Variants in POGZ observed in about 807,000 individuals in gnomAD.
POGZ encodes pogo transposable element derived with ZNF domain, also known as pogo transposable element with ZNF domain.
POGZ carries 17 observed loss-of-function variants against 134.6 expected under a neutral mutation model. That is an observed-to-expected ratio of 0.13 (90% CI 0.09 to 0.19). POGZ has a LOEUF of 0.19. Among genes scored for constraint, POGZ ranks in the 10% least tolerant of loss-of-function variants. POGZ has a pLI of 1.00. For missense variants in POGZ, 1,306 were observed against 1,769.7 expected, an observed-to-expected ratio of 0.74 and a Z score of 4.70; for synonymous variants, 693 against 657.1, an observed-to-expected ratio of 1.05 and a Z score of -0.84.
In POGZ at chr1:151,432,369, C is replaced by T. The variant is rs528622710; in HGVS notation, c.284-1528G>A. ...AGGTATGTAGGTGGCTACTAATGGG[C>T]CAGCAGTGGCTTATCTTATACTCTC... On this transcript the variant is annotated intron_variant, in intron 3 of 18. Coordinates refer to ENST00000271715, the MANE Select transcript of POGZ (RefSeq NM_015100.4). 3.9e-5 allele frequency among the ~76,000 whole-genome samples: 6 copies of T among 152,216 alleles called. No homozygotes were observed. The South Asian group carries it at 1.0e-3, about 26-fold the overall frequency.
chr1:151,425,532 G>A (rs1237652499), intron 7 of POGZ, among the ~76,000 whole-genome samples: 9 of 151,892 alleles, frequency 5.9e-5, no homozygotes, highest in East Asian at 5.8e-4. Context: ...CCTCCACCCC[G>A]GCAACCACAA....
intron 12 of POGZ, among the ~76,000 whole-genome samples, chr1:151,410,565 A>G (rs1038668617): frequency 1.3e-5 from 2 of 152,184 alleles, no homozygotes; most frequent in African/African-American, 4.8e-5. Flanking sequence ...GACTTCAAAT[A>G]TCCTAAGCCT....
chr1:151,417,721 CACACACACAA>C lies in POGZ; in HGVS notation c.1679-5335_1679-5326del, dbSNP rs1420238927. On this transcript the variant is annotated intron_variant, in intron 10 of 18. Transcript: ENST00000271715. Reference sequence around the variant, plus strand: ...ACACACACACACACACACACACACACACACACACAAAAGGCCTTATTTTTTAGAGCTACAT... The same window carrying C: ...ACACACACACACACACACACACACACAAGGCCTTATTTTTTAGAGCTACAT... 1.2e-3 allele frequency among the ~76,000 whole-genome samples: 169 copies of C among 138,348 alleles called. 1 individual carries two copies. Among genetic ancestry groups the C allele is most frequent in the African/African-American group, 5.0e-3 (163 of 32,544 alleles). The allele number at this position is 138,348 out of a possible 152,430, so 90.8% of individuals were successfully genotyped here.
In POGZ at chr1:151,424,971, A is replaced by G; in HGVS notation, c.1169T>C (p.Leu390Ser). Residue 390 changes from leucine (L) to serine (S), a missense_variant, in exon 8 of 19, where the codon TTG becomes TCG. Around this residue, in one of 10 missense-constraint regions of POGZ, gnomAD observed 541 missense variants for 680.5 expected, o/e 0.80. Transcript: ENST00000271715. ...ATCACTTACACACATGTGACCTCTC[A>G]AAGCTTCAGTAACACGAAATTGAGC... ...CNAQFRVTEA[L>S]RGHMCYCCPE... 6.3e-7 allele frequency: 1 copy of G among 1,586,034 alleles called. No individual in the cohort carries two copies. Among genetic ancestry groups the G allele is most frequent in the Non-Finnish European group, 8.6e-7 (1 of 1,159,112 alleles).
At position 151,404,074 on chromosome 1, in the gene POGZ, A is replaced by C; in HGVS notation, c.*728T>G. ...TTGGAGGGAAGGTGGTGAGGAAAAGACAAATCTATTCATTCTGGATAATTA... is the reference window on the plus strand; with the variant it reads ...TTGGAGGGAAGGTGGTGAGGAAAAGCCAAATCTATTCATTCTGGATAATTA... On this transcript the variant is annotated 3_prime_UTR_variant, in exon 19 of 19. Transcript: ENST00000271715. 2.0e-6 allele frequency: 2 copies of C among 985,554 alleles called. No homozygotes were observed. Among genetic ancestry groups the C allele is most frequent in the Non-Finnish European group, 2.4e-6 (2 of 829,934 alleles). The allele number at this position is 985,554 out of a possible 1,614,324, so 61.1% of individuals were successfully genotyped here.
At chr1:151,406,665 C>T in intron 17 of POGZ, 34 bp from the exon 18 acceptor site, 1 of 1,591,890 alleles carries the variant, frequency 6.3e-7, no homozygotes, top group African/African-American at 1.4e-5. Context: ...ATAGTTAGCT[C>T]AGTGAAAAAA....
chr1:151,440,843 TAA>T (rs1660413823), intron 3 of POGZ, 83 bp downstream of exon 3: 1 of 1,134,944 alleles, frequency 8.8e-7, no homozygotes, highest in East Asian at 2.4e-5. Flanking sequence ...TGTACCTAAC[TAA>T]ACAGGTAGGG....
At position 151,432,761 on chromosome 1, in the gene POGZ, T is replaced by C. The variant is rs942687050; in HGVS notation, c.284-1920A>G. 3.3e-5 allele frequency among the ~76,000 whole-genome samples: 5 copies of C among 152,306 alleles called. No homozygotes were observed. In the South Asian group the frequency reaches 1.0e-3, roughly 32 times the overall value. ...TATAAGTATTTCAAAATATACCTTCTACATAAGAACTTCAAAAAAAGATAA... is the reference window on the plus strand; with the variant it reads ...TATAAGTATTTCAAAATATACCTTCCACATAAGAACTTCAAAAAAAGATAA... On this transcript the variant is annotated intron_variant, in intron 3 of 18. Coordinates refer to ENST00000271715, the MANE Select transcript of POGZ (RefSeq NM_015100.4).
At chr1:151,413,610 C>T (rs1269004013) in intron 10 of POGZ, among the ~76,000 whole-genome samples, 1 of 151,856 alleles carries the variant, frequency 6.6e-6, no homozygotes, top group Admixed American at 6.6e-5. Context: ...GCCCCCAGCC[C>T]CCTACACCCC....
Position 151,408,240 on chromosome 1 carries a change from C to A in POGZ, c.2235G>T (p.Met745Ile), listed in dbSNP as rs1195527016. 2 of 1,598,894 alleles carry A rather than the reference C, an allele frequency of 1.3e-6. No homozygotes were observed. The highest frequency in any genetic ancestry group is 1.1e-5 in the South Asian group (1 of 89,060). ...RSIQKRAVRK[M>I]SVMGRQTCLE... is the part of the protein sequence containing the mutation. ...GGCATGTCTGCCGGCCCATGACACTCCTGTGGGGGAAAAAAAAAAAGAATT... is the reference window on the plus strand; with the variant it reads ...GGCATGTCTGCCGGCCCATGACACTACTGTGGGGGAAAAAAAAAAAGAATT... The change falls in exon 15 of 19, where the codon ATG becomes ATT. Residue 745 changes from methionine to isoleucine, a missense_variant and splice_region_variant. This residue lies in a region of POGZ where 149 missense variants were observed against 237.5 expected (regional missense o/e 0.63). Coordinates refer to ENST00000271715, the MANE Select transcript of POGZ (RefSeq NM_015100.4).
intron 11 of POGZ, 45 bp downstream of exon 11, chr1:151,412,251 C>T (rs1654810122): frequency 2.0e-6 from 2 of 1,024,048 alleles, no homozygotes; most frequent in East Asian, 2.4e-5. Context: ...TTGTATTCTT[C>T]CTGAGGGCAA....
chr1:151,439,888 C>G (rs1660244739), intron 3 of POGZ, among the ~76,000 whole-genome samples: 1 of 152,090 alleles, frequency 6.6e-6, no homozygotes, highest in Non-Finnish European at 1.5e-5. Flanking sequence ...TTCACTGAAG[C>G]TCTTAAAAAT....
In POGZ at chr1:151,405,108, T is replaced by C. The variant is rs1364052857; in HGVS notation, c.3927A>G (p.Leu1309=). The stretch of plus-strand genomic sequence containing the variant: ...GCTCTGGACAGTCCCCAATGACACC[T>C]AGCACTTCACCCAGCCAGACAAGCA... ...QLVLVWLGEV[L]GVIGDCPELV... is the part of the protein sequence containing the mutation. Residue 1309 remains leucine, a synonymous_variant, in exon 19 of 19, where the codon CTA becomes CTG. Transcript: ENST00000271715. This position sits in a 1 kb window ranked among gnomAD's most constrained non-coding sequence, Gnocchi z 4.9. 1.9e-6 allele frequency: 3 copies of C among 1,614,072 alleles called. No homozygotes were observed. The highest frequency in any genetic ancestry group is 1.3e-5 in the African/African-American group (1 of 74,930).
chr1:151,446,479 G>C (rs1661289274), intron 1 of POGZ, among the ~76,000 whole-genome samples: 1 of 152,120 alleles, frequency 6.6e-6, no homozygotes, highest in African/African-American at 2.4e-5. Context: ...AAAACGGCCG[G>C]GCGCGGTTGC....
intron 3 of POGZ, among the ~76,000 whole-genome samples, chr1:151,436,860 C>T (rs1481537243): frequency 6.6e-6 from 1 of 152,134 alleles, no homozygotes; most frequent in Non-Finnish European, 1.5e-5. Flanking sequence ...GGGTATACAG[C>T]TAGGAGTAGA....
chr1:151,409,239 T>G (rs1654220540), intron 12 of POGZ, among the ~76,000 whole-genome samples: 1 of 152,234 alleles, frequency 6.6e-6, no homozygotes, highest in African/African-American at 2.4e-5. Flanking sequence ...TTCTATACTC[T>G]TCCAACTTTG....
At chr1:151,452,748 C>T (rs1204622607) in intron 1 of POGZ, among the ~76,000 whole-genome samples, 1 of 151,696 alleles carries the variant, frequency 6.6e-6, no homozygotes, top group Non-Finnish European at 1.5e-5. Flanking sequence ...CCTGCAGTCC[C>T]AGCTACTCGG....
In POGZ at chr1:151,408,819, C is replaced by T. The variant is rs771815153; in HGVS notation, c.1936G>A (p.Val646Ile). 38 of 1,605,272 alleles carry T rather than the reference C, an allele frequency of 2.4e-5. 1 individual carries two copies. The highest frequency in any genetic ancestry group is 3.0e-5 in the Non-Finnish European group (35 of 1,176,590). Residue 646 changes from valine to isoleucine, a missense_variant, in exon 13 of 19, where the codon GTT (valine) becomes ATT (isoleucine). Physicochemically the swap from Val to Ile is conservative, Grantham distance 29. Coordinates refer to ENST00000271715, the MANE Select transcript of POGZ (RefSeq NM_015100.4). ...QHYMRHQKRN[V>I]YHCNKCRLQF... ...AGCCGGCATTTGTTGCAGTGATAAA[C>T]ATTTCTCTTCTGAAGTGGGGGAGGG...
Position 151,406,944 on chromosome 1 carries a change from G to A in POGZ, c.2512C>T (p.Pro838Ser). Residue 838 changes from proline to serine, a missense_variant, in exon 17 of 19, where the codon CCC (proline) becomes TCC (serine). Coordinates refer to ENST00000271715, the MANE Select transcript of POGZ (RefSeq NM_015100.4). ...AGGATGCTGCTGGATCTGTGAGAGGGGTTGAATACCAAATGCTTGGCCATA... is the reference window on the plus strand; with the variant it reads ...AGGATGCTGCTGGATCTGTGAGAGGAGTTGAATACCAAATGCTTGGCCATA... ...DAMAKHLVFNPSHRSSSILPR... is the reference protein window; with the variant it reads ...DAMAKHLVFNSSHRSSSILPR... 5.6e-6 allele frequency: 9 copies of A among 1,613,902 alleles called. No individual in the cohort carries two copies. Among genetic ancestry groups the A allele is most frequent in the Non-Finnish European group, 7.6e-6 (9 of 1,179,826 alleles).
Sources: gnomAD v4.1 joint callset for allele counts (sites outside exome capture counted in the v4.1 genomes callset) on GRCh38, gnomAD v4.1.1 for gene constraint, gnomAD v4.1.1 regional missense constraint, Gnocchi (gnomAD v3.1) non-coding constraint, MANE v1.5 for transcripts, NCBI Gene and HGNC (gene_info 2026-07-23, HGNC 2026-07-21) for gene names.